Variants in GGTA1 observed in about 807,000 individuals in gnomAD.
The protein encoded by GGTA1 is glycoprotein alpha-galactosyltransferase 1 (inactive).
GGTA1 carries 5 observed loss-of-function variants against 2.6 expected under a neutral mutation model. The ratio of observed to expected loss-of-function variants is 1.92; its 90% CI spans 1.00 to 4.04. GGTA1 has a LOEUF of 4.04. Ranked by LOEUF, GGTA1 falls within the 30% of genes most tolerant of loss-of-function variation. The pLI, the probability that GGTA1 is intolerant of heterozygous loss-of-function variation, is 0.00. For missense variants in GGTA1, 50 were observed against 16.7 expected, an observed-to-expected ratio of 2.99 and a Z score of -3.47; for synonymous variants, 17 against 5.0, an observed-to-expected ratio of 3.38 and a Z score of -3.19.
chr9:121,472,858 C>T (rs1450467706), intron 1 of GGTA1, among the ~76,000 whole-genome samples: 1 of 152,108 alleles, frequency 6.6e-6, no homozygotes, highest in Non-Finnish European at 1.5e-5. Flanking sequence ...CAGGGATAGC[C>T]CGAATCAGAC....
intron 2 of GGTA1, among the ~76,000 whole-genome samples, chr9:121,466,566 C>T (rs999269230): frequency 2.0e-5 from 3 of 152,114 alleles, no homozygotes; most frequent in Non-Finnish European, 2.9e-5. Flanking sequence ...CTCCAGCATT[C>T]GGAGAGTTCT....
intron 1 of GGTA1, among the ~76,000 whole-genome samples, chr9:121,498,607 A>G (rs1829039049): frequency 6.6e-6 from 1 of 152,222 alleles, no homozygotes; most frequent in South Asian, 2.1e-4. Context: ...AGCAAGCGGC[A>G]GGCCAGGGCT....
chr9:121,452,870 A>T (rs1215384559), downstream of GGTA1, among the ~76,000 whole-genome samples: 1 of 152,000 alleles, frequency 6.6e-6, no homozygotes, highest in Non-Finnish European at 1.5e-5. Context: ...TCTACATCTC[A>T]TACCTTCTTA....
intron 1 of GGTA1, among the ~76,000 whole-genome samples, chr9:121,473,050 G>A (rs912286376): frequency 5.3e-5 from 8 of 152,042 alleles, no homozygotes; most frequent in Non-Finnish European, 1.0e-4. Flanking sequence ...TTGGATGACC[G>A]GGTGCAAACC....
chr9:121,497,630 A>G (rs1829021769), intron 1 of GGTA1, among the ~76,000 whole-genome samples: 1 of 152,050 alleles, frequency 6.6e-6, no homozygotes, highest in Non-Finnish European at 1.5e-5. Flanking sequence ...CAGAATGGGG[A>G]CAGAGACTGA....
exon 8 of GGTA1, chr9:121,445,746 A>G (rs1346624237): frequency 1.3e-5 from 2 of 152,194 alleles, no homozygotes; most frequent in African/African-American, 2.4e-5. Context: ...TTACACTTCT[A>G]TAGTGCAGAT....
chr9:121,454,986 C>G (rs1463340843), downstream of GGTA1: 1 of 152,266 alleles, frequency 6.6e-6, no homozygotes, highest in East Asian at 1.9e-4. Context: ...TGCACTCCAG[C>G]CAGGGCAACA....
At chr9:121,454,590 T>C (rs2064896032), downstream of GGTA1, among the ~76,000 whole-genome samples, 1 of 152,236 alleles carries the variant, frequency 6.6e-6, no homozygotes, top group Admixed American at 6.5e-5. Flanking sequence ...CAAGATCTGC[T>C]GACTCTGGAG....
At chr9:121,489,644 A>G (rs1828833802) in intron 1 of GGTA1, among the ~76,000 whole-genome samples, 1 of 152,246 alleles carries the variant, frequency 6.6e-6, no homozygotes, top group Non-Finnish European at 1.5e-5. Context: ...GAAATTGGCA[A>G]AGACCACATA....
At chr9:121,498,610 C>A (rs2118793456) in intron 1 of GGTA1, among the ~76,000 whole-genome samples, 1 of 152,318 alleles carries the variant, frequency 6.6e-6, no homozygotes, top group South Asian at 2.1e-4. Flanking sequence ...AAGCGGCAGG[C>A]CAGGGCTGCA....
Position 121,460,224 on chromosome 9 carries a change from G to A in GGTA1, c.183-5C>T, listed in dbSNP as rs1395451244. The stretch of plus-strand genomic sequence containing the variant: ...CCTTGTTGATAATTGTGGATCCTAA[G>A]TACAAAGGGAAAGTAAACCAGGTAA... On this transcript the variant is annotated splice_polypyrimidine_tract_variant and splice_region_variant and intron_variant, in intron 4 of 5. Coordinates refer to ENST00000481799, the MANE Select transcript of GGTA1 (RefSeq NM_001382585.1). 1 of 457,142 alleles carries A rather than the reference G, an allele frequency of 2.2e-6. No individual in the cohort carries two copies. Among genetic ancestry groups the A allele is most frequent in the South Asian group, 1.5e-5 (1 of 64,562 alleles). The allele number at this position is 457,142 out of a possible 1,614,324, so 28.3% of individuals were successfully genotyped here. A position where few individuals can be genotyped will look rare whatever the true frequency, so the allele number is the denominator to read the frequency against.
chr9:121,498,768 C>A (rs543903323), intron 1 of GGTA1, among the ~76,000 whole-genome samples: 3 of 152,298 alleles, frequency 2.0e-5, no homozygotes, highest in Admixed American at 6.5e-5. Context: ...GCCGGAGGAG[C>A]GGCTCTCACA....
chr9:121,459,720 G>T (rs2064944165), intron 5 of GGTA1, among the ~76,000 whole-genome samples: 1 of 152,116 alleles, frequency 6.6e-6, no homozygotes, highest in Admixed American at 6.5e-5. Context: ...ACCCTGGACA[G>T]CTCCCATCTC....
At chr9:121,473,546 G>C (rs1828439849) in intron 1 of GGTA1, among the ~76,000 whole-genome samples, 1 of 152,198 alleles carries the variant, frequency 6.6e-6, no homozygotes. Context: ...TGGTCTAAAA[G>C]TTCTTCCCTT....
intron 3 of GGTA1, 145 bp downstream of exon 3, chr9:121,463,148 T>A (rs2118677901): frequency 2.4e-6 from 1 of 417,098 alleles, no homozygotes; most frequent in African/African-American, 2.1e-5. Context: ...AGAAATAACA[T>A]TCCAGATCCC....
chr9:121,471,539 A>G (rs1828391038), intron 1 of GGTA1, among the ~76,000 whole-genome samples: 1 of 152,168 alleles, frequency 6.6e-6, no homozygotes, highest in South Asian at 2.1e-4. Flanking sequence ...TATCTTACAA[A>G]CCCTTTATTA....
intron 1 of GGTA1, among the ~76,000 whole-genome samples, chr9:121,487,314 C>T (rs1362222200): frequency 6.6e-6 from 1 of 151,898 alleles, no homozygotes; most frequent in East Asian, 1.9e-4. Context: ...CGCGGTGACT[C>T]ACACCTTAAT....
intron 3 of GGTA1, among the ~76,000 whole-genome samples, chr9:121,461,769 GA>G (rs1283030251): frequency 6.6e-6 from 1 of 152,194 alleles, no homozygotes; most frequent in East Asian, 1.9e-4. Flanking sequence ...ATACATATAA[GA>G]GCTTTATGAG....
At chr9:121,498,347 C>T (rs532711880) in intron 1 of GGTA1, among the ~76,000 whole-genome samples, 1 of 152,310 alleles carries the variant, frequency 6.6e-6, no homozygotes, top group South Asian at 2.1e-4. Context: ...CATGCTGCCC[C>T]CATCTGGTAG....
Sources: gnomAD v4.1 joint callset for allele counts (sites outside exome capture counted in the v4.1 genomes callset) on GRCh38, gnomAD v4.1.1 for gene constraint, MANE v1.5 for transcripts, NCBI Gene and HGNC (gene_info 2026-07-23, HGNC 2026-07-21) for gene names.